Variants in GLCCI1 observed in about 807,000 individuals in gnomAD.
The protein encoded by GLCCI1 is glucocorticoid induced 1, also known as glucocorticoid-induced transcript 1 protein.
In GLCCI1, 24 loss-of-function variants were observed where a neutral mutation model predicts 52.2. That is an observed-to-expected ratio of 0.46 (90% CI 0.33 to 0.65). The LOEUF is 0.65. Ranked by LOEUF, GLCCI1 falls within the 30% of genes least tolerant of loss-of-function variation. The pLI is 0.02. For missense variants in GLCCI1, 704 were observed against 701.5 expected (o/e 1.00, Z -0.04); for synonymous variants, 310 against 276.5 (o/e 1.12, Z -1.20).
chr7:7,971,446 C>T (rs1026872577), intron 1 of GLCCI1, among the ~76,000 whole-genome samples: 1 of 152,198 alleles, frequency 6.6e-6, no homozygotes, highest in Non-Finnish European at 1.5e-5. Context: ...AGTGATTTCG[C>T]TTCAACAGTG....
intron 2 of GLCCI1, among the ~76,000 whole-genome samples, chr7:8,020,653 T>TTGA (rs1163695155): frequency 1.2e-4 from 18 of 152,212 alleles, no homozygotes; most frequent in Non-Finnish European, 2.4e-4. Flanking sequence ...ATTCATATTA[T>TTGA]AAATGTTGAT....
At chr7:8,017,094 A>G (rs920947887) in intron 2 of GLCCI1, among the ~76,000 whole-genome samples, 3 of 152,204 alleles carry the variant, frequency 2.0e-5, no homozygotes, top group Non-Finnish European at 4.4e-5. Flanking sequence ...TCAAATCTAT[A>G]GGTTCATGTG....
intron 3 of GLCCI1, among the ~76,000 whole-genome samples, chr7:8,033,801 G>T (rs758035494): frequency 2.0e-5 from 3 of 152,092 alleles, no homozygotes; most frequent in Non-Finnish European, 2.9e-5. Flanking sequence ...AGAATCAATA[G>T]TAAGATGGTA....
intron 3 of GLCCI1, among the ~76,000 whole-genome samples, chr7:8,031,794 A>C (rs1474074146): frequency 6.6e-6 from 1 of 152,064 alleles, no homozygotes; most frequent in Non-Finnish European, 1.5e-5. Context: ...GCTGGAATAG[A>C]TATGTTAATA....
At chr7:8,001,582 A>G (rs547399362) in intron 1 of GLCCI1, among the ~76,000 whole-genome samples, 1 of 152,306 alleles carries the variant, frequency 6.6e-6, no homozygotes, top group East Asian at 1.9e-4. Flanking sequence ...ATACCATTTG[A>G]CCCAGCGATC....
At chr7:8,008,281 G>A (rs982403042) in intron 2 of GLCCI1, among the ~76,000 whole-genome samples, 3 of 149,620 alleles carry the variant, frequency 2.0e-5, no homozygotes, top group Admixed American at 6.7e-5. Flanking sequence ...GTTAAATGTT[G>A]TATATCTTTT....
chr7:8,045,120 A>T (rs944538604), intron 3 of GLCCI1, among the ~76,000 whole-genome samples: 1 of 152,194 alleles, frequency 6.6e-6, no homozygotes, highest in Non-Finnish European at 1.5e-5. Flanking sequence ...CACTGAAACA[A>T]CTGTGAGCTG....
At chr7:8,038,506 A>G (rs1253198830) in intron 3 of GLCCI1, among the ~76,000 whole-genome samples, 1 of 152,212 alleles carries the variant, frequency 6.6e-6, no homozygotes, top group Non-Finnish European at 1.5e-5. Context: ...TGCTGGGGAA[A>G]GTACACTCTT....
At chr7:8,022,446 A>C (rs1228823700) in intron 2 of GLCCI1, 37 bp from the exon 3 acceptor site, 2 of 1,190,028 alleles carry the variant, frequency 1.7e-6, no homozygotes, top group South Asian at 1.9e-5. Flanking sequence ...AGTAGAGATA[A>C]AATTTCTTAT....
intron 3 of GLCCI1, among the ~76,000 whole-genome samples, chr7:8,045,913 T>C (rs1376352364): frequency 6.6e-6 from 1 of 151,216 alleles, no homozygotes; most frequent in Admixed American, 6.6e-5. Flanking sequence ...ATCGGACATA[T>C]TAAGTAGCCT....
intron 2 of GLCCI1, among the ~76,000 whole-genome samples, chr7:8,012,544 ATGCCATTCTCC>A (rs1372999308): frequency 7.2e-6 from 1 of 139,794 alleles, no homozygotes; most frequent in Non-Finnish European, 1.5e-5. Flanking sequence ...TCCTGGGTTC[ATGCCATTCTCC>A]TGCCTCAGCC....
chr7:7,975,284 C>T (rs1007343390), intron 1 of GLCCI1, among the ~76,000 whole-genome samples: 1 of 152,194 alleles, frequency 6.6e-6, no homozygotes, highest in African/African-American at 2.4e-5. Context: ...ACAAACATGG[C>T]AGATACCTTT....
In GLCCI1 at chr7:8,021,548, G is replaced by C. The variant is rs551837590; in HGVS notation, c.610-935G>C. 2.0e-5 allele frequency among the ~76,000 whole-genome samples: 3 copies of C among 152,298 alleles called. No homozygotes were observed. The South Asian group carries it at 6.2e-4, about 32-fold the overall frequency. On this transcript the variant is annotated intron_variant, in intron 2 of 7. Transcript: ENST00000223145. ...CTGTCTCAGCCTCCTGAGTAGCTGAGATTACAGGTGCTCGCCACCAGGCCC... is the reference window on the plus strand; with the variant it reads ...CTGTCTCAGCCTCCTGAGTAGCTGACATTACAGGTGCTCGCCACCAGGCCC...
chr7:7,976,361 C>A (rs1318389492), intron 1 of GLCCI1, among the ~76,000 whole-genome samples: 1 of 150,974 alleles, frequency 6.6e-6, no homozygotes, highest in Non-Finnish European at 1.5e-5. Flanking sequence ...CCTCTATAAT[C>A]CCAGTTACTC....
Position 8,056,524 on chromosome 7 carries a change from A to G in GLCCI1, c.813+975A>G, listed in dbSNP as rs75564824. ...AGGATTAACATTTTTATTTTCCCCTAGAAGTAAATACTAACATATCCCATG... is the reference window on the plus strand; with the variant it reads ...AGGATTAACATTTTTATTTTCCCCTGGAAGTAAATACTAACATATCCCATG... On this transcript the variant is annotated intron_variant, in intron 4 of 7. Coordinates refer to ENST00000223145, the MANE Select transcript of GLCCI1 (RefSeq NM_138426.4). Among the ~76,000 whole-genome samples, 11 of 152,302 alleles carry G rather than the reference A, an allele frequency of 7.2e-5. No homozygotes were observed. The East Asian group carries it at 1.9e-3, about 27-fold the overall frequency.
intron 1 of GLCCI1, among the ~76,000 whole-genome samples, chr7:7,993,982 A>G (rs1319924736): frequency 6.6e-6 from 1 of 152,304 alleles, no homozygotes; most frequent in Non-Finnish European, 1.5e-5. Flanking sequence ...ATGTGGAACC[A>G]TCTGTATTGT....
chr7:8,043,481 A>G (rs1782048577), intron 3 of GLCCI1, among the ~76,000 whole-genome samples: 2 of 152,222 alleles, frequency 1.3e-5, no homozygotes, highest in East Asian at 1.9e-4. Context: ...GAGTAAGACT[A>G]CATGTTATAT....
intron 3 of GLCCI1, among the ~76,000 whole-genome samples, chr7:8,038,824 A>G (rs1409499968): frequency 1.3e-5 from 2 of 152,198 alleles, no homozygotes; most frequent in South Asian, 2.1e-4. Context: ...AAAATAGACT[A>G]CCTACAGAAT....
intron 3 of GLCCI1, among the ~76,000 whole-genome samples, chr7:8,045,770 C>G (rs1275600582): frequency 6.6e-6 from 1 of 152,134 alleles, no homozygotes; most frequent in Non-Finnish European, 1.5e-5. Context: ...TAGACCTACT[C>G]TGGAGCTGTG....
Sources: gnomAD v4.1 joint callset for allele counts (sites outside exome capture counted in the v4.1 genomes callset) on GRCh38, gnomAD v4.1.1 for gene constraint, MANE v1.5 for transcripts, NCBI Gene and HGNC (gene_info 2026-07-23, HGNC 2026-07-21) for gene names.